The following EXOC5 variants were observed in gnomAD, a reference collection of about 807,000 sequenced individuals.
The protein encoded by EXOC5 is exocyst complex component 5.
A neutral mutation model predicts 90.8 loss-of-function variants in EXOC5; 17 were observed. That is an observed-to-expected ratio of 0.19 (90% CI 0.13 to 0.28). The LOEUF (loss-of-function observed/expected upper bound fraction) is 0.28, where lower values mean the gene tolerates loss of function less well. EXOC5 is among the 10% of genes least tolerant of loss of function. The probability of loss-of-function intolerance (pLI) is 1.00; values close to 1 mark genes in which losing one functional copy is unlikely to be tolerated. For missense variants in EXOC5, 569 were observed against 830.6 expected, an observed-to-expected ratio of 0.69 and a Z score of 3.87; for synonymous variants, 260 against 270.0, an observed-to-expected ratio of 0.96 and a Z score of 0.36.
intron 1 of EXOC5, among the ~76,000 whole-genome samples, chr14:57,263,721 C>T (rs574743329): frequency 3.5e-5 from 5 of 142,162 alleles, no homozygotes; most frequent in East Asian, 2.0e-4. Context: ...GCTGAGATCA[C>T]GCCACTGCAC....
chr14:57,246,142 TAAG>T (rs1884026793), intron 3 of EXOC5, among the ~76,000 whole-genome samples: 2 of 152,194 alleles, frequency 1.3e-5, no homozygotes, highest in South Asian at 4.2e-4. Flanking sequence ...TAAGAGTGAC[TAAG>T]AAGTTTGGCC....
chr14:57,241,098 C>A (rs1348308267), intron 4 of EXOC5, among the ~76,000 whole-genome samples: 5 of 152,170 alleles, frequency 3.3e-5, no homozygotes, highest in Non-Finnish European at 1.5e-5. Flanking sequence ...AAGTGATCTG[C>A]CCATCTTGGC....
intron 15 of EXOC5, among the ~76,000 whole-genome samples, chr14:57,213,143 T>C (rs902569889): frequency 4.6e-5 from 7 of 151,824 alleles, no homozygotes; most frequent in African/African-American, 1.7e-4. Context: ...CAGCACTTTG[T>C]GAGGCTGAAG....
At chr14:57,249,853 C>A (rs763694067) in intron 1 of EXOC5, among the ~76,000 whole-genome samples, 36 of 152,082 alleles carry the variant, frequency 2.4e-4, no homozygotes, top group Non-Finnish European at 4.7e-4. Flanking sequence ...CTCACCTCAA[C>A]CTCCACCTCC....
rs1882523087 is a variant in EXOC5 at position 57,202,006 on chromosome 14, TAAG to T, written c.*6600_*6602del. 2 of 151,984 alleles carry T rather than the reference TAAG, an allele frequency of 1.3e-5. No homozygotes were observed. The highest frequency in any genetic ancestry group is 4.1e-4 in the South Asian group (2 of 4,824). The allele number at this position is 151,984 out of a possible 1,614,324, so 9.4% of individuals were successfully genotyped here. A position where few individuals can be genotyped will look rare whatever the true frequency, so the allele number is the denominator to read the frequency against. ...TGGAGAAGCCTGGTAAATAGTACCTTAAGAAAGTGATAAAAATGAACATCATCA... is the reference window on the plus strand; with the variant it reads ...TGGAGAAGCCTGGTAAATAGTACCTTAAAGTGATAAAAATGAACATCATCA... On this transcript the variant is annotated 3_prime_UTR_variant, in exon 18 of 18. Coordinates refer to ENST00000621441, the MANE Select transcript of EXOC5 (RefSeq NM_006544.4).
At chr14:57,212,880 T>C (rs148802190) in intron 15 of EXOC5, among the ~76,000 whole-genome samples, 6 of 152,358 alleles carry the variant, frequency 3.9e-5, no homozygotes, top group South Asian at 4.1e-4. Flanking sequence ...GCAATGCTGA[T>C]AGATCCACTC....
chr14:57,222,473 A>G, intron 12 of EXOC5, 57 bp from the exon 13 acceptor site: 1 of 951,058 alleles, frequency 1.1e-6, no homozygotes, highest in Non-Finnish European at 1.6e-6. Context: ...GAAAATGCCA[A>G]TTTTTTTTAA....
chr14:57,254,375 C>T (rs990480055), intron 1 of EXOC5, among the ~76,000 whole-genome samples: 2 of 151,150 alleles, frequency 1.3e-5, no homozygotes, highest in African/African-American at 4.9e-5. Context: ...GCAGAGGTTG[C>T]AGTGAGCCCA....
At chr14:57,219,486 A>G in intron 13 of EXOC5, 44 bp from the exon 14 acceptor site, 1 of 1,476,864 alleles carries the variant, frequency 6.8e-7, no homozygotes, top group Non-Finnish European at 9.1e-7. Context: ...TCCTTGAAGA[A>G]ATTCATCTTG....
In EXOC5 at chr14:57,207,975, T is replaced by A. The variant is rs1882707502; in HGVS notation, c.*634A>T. ...AGTATTCCGATCCACTCCTAATGTC[T>A]ACATAAAATAGTTCATCATTTTAGT... On this transcript the variant is annotated 3_prime_UTR_variant, in exon 18 of 18. Transcript: ENST00000621441. 6.6e-6 allele frequency: 1 copy of A among 152,170 alleles called. No individual in the cohort carries two copies. Among genetic ancestry groups the A allele is most frequent in the Non-Finnish European group, 1.5e-5 (1 of 68,022 alleles). 9.4% of individuals were successfully genotyped at this position (152,170 alleles called of 1,614,324 possible).
chr14:57,210,148 C>A, intron 15 of EXOC5, 87 bp from the exon 16 acceptor site: 2 of 623,764 alleles, frequency 3.2e-6, no homozygotes, highest in Non-Finnish European at 5.6e-6. Context: ...TAAATTAAAT[C>A]AGTTATTTAA....
chr14:57,224,650 G>A (rs560646588), intron 12 of EXOC5, among the ~76,000 whole-genome samples: 1 of 152,232 alleles, frequency 6.6e-6, no homozygotes, highest in Admixed American at 6.5e-5. Flanking sequence ...AAGAAAGAAA[G>A]AAAGAATACC....
chr14:57,204,795 T>C lies in EXOC5; in HGVS notation c.*3814A>G, dbSNP rs564247581. ...CAAATTTAAAAAGTATGACCATACATTGAACATATTAAGAAAAACACAACA... is the reference window on the plus strand; with the variant it reads ...CAAATTTAAAAAGTATGACCATACACTGAACATATTAAGAAAAACACAACA... On this transcript the variant is annotated 3_prime_UTR_variant, in exon 18 of 18. Coordinates refer to ENST00000621441, the MANE Select transcript of EXOC5 (RefSeq NM_006544.4). The C allele has an allele frequency of 1.3e-5, 2 of 152,556 alleles. No homozygotes were observed. Among genetic ancestry groups the C allele is most frequent in the Middle Eastern group, 3.4e-3 (1 of 292 alleles). 9.5% of individuals were successfully genotyped at this position (152,556 alleles called of 1,614,324 possible). A position where few individuals can be genotyped will look rare whatever the true frequency, so the allele number is the denominator to read the frequency against.
At position 57,235,860 on chromosome 14, in the gene EXOC5, GCATC is replaced by G. The variant is rs771003834; in HGVS notation, c.560-44_560-41del. 3.6e-5 allele frequency: 33 copies of G among 924,350 alleles called. No individual in the cohort carries two copies. The African/African-American group carries it at 3.8e-4, about 11-fold the overall frequency. 57.3% of individuals were successfully genotyped at this position (924,350 alleles called of 1,614,324 possible). A position where few individuals can be genotyped will look rare whatever the true frequency, so the allele number is the denominator to read the frequency against. On this transcript the variant is annotated intron_variant, in intron 6 of 17. Coordinates refer to ENST00000621441, the MANE Select transcript of EXOC5 (RefSeq NM_006544.4). ...ATTCAGCTACACTGAGGCATACAAG[GCATC>G]CACGTTATTTAAGAGTATCTACATT... is the stretch of plus-strand genomic sequence containing the variant.
intron 12 of EXOC5, among the ~76,000 whole-genome samples, chr14:57,227,776 A>C (rs988349906): frequency 1.3e-5 from 2 of 152,156 alleles, no homozygotes; most frequent in African/African-American, 4.8e-5. Flanking sequence ...TCACATGTAT[A>C]ATTTACTGTC....
intron 1 of EXOC5, among the ~76,000 whole-genome samples, chr14:57,257,242 T>C (rs533769497): frequency 6.6e-6 from 1 of 152,296 alleles, no homozygotes; most frequent in East Asian, 1.9e-4. Flanking sequence ...ATGGTGGTGC[T>C]AATTACTGAG....
intron 1 of EXOC5, among the ~76,000 whole-genome samples, chr14:57,262,376 T>C (rs2139671577): frequency 6.6e-6 from 1 of 152,148 alleles, no homozygotes; most frequent in South Asian, 2.1e-4. Flanking sequence ...AGCTGAGAGA[T>C]GTCTTCCACC....
At chr14:57,268,363 A>G in intron 1 of EXOC5, 1 of 976,218 alleles carries the variant, frequency 1.0e-6, no homozygotes, top group Non-Finnish European at 1.5e-6. Context: ...CCACAAACAA[A>G]AGCAACCCTC....
At chr14:57,227,647 A>G (rs1296336440) in intron 12 of EXOC5, among the ~76,000 whole-genome samples, 1 of 152,050 alleles carries the variant, frequency 6.6e-6, no homozygotes, top group Non-Finnish European at 1.5e-5. Flanking sequence ...ATTTATCCCA[A>G]CCTAATGAAT....
Sources: allele counts gnomAD v4.1 joint callset (sites outside exome capture counted in the v4.1 genomes callset), GRCh38; gene constraint gnomAD v4.1.1; transcripts MANE v1.5; gene names NCBI Gene and HGNC (gene_info 2026-07-23, HGNC 2026-07-21).